PNPLA4: variants seen among roughly 807,000 people sequenced by gnomAD.
The protein encoded by PNPLA4 is patatin like domain 4, phospholipase and triacylglycerol lipase.
PNPLA4 carries 15 observed loss-of-function variants against 18.3 expected under a neutral mutation model. The ratio of observed to expected loss-of-function variants is 0.82; its 90% CI spans 0.55 to 1.26. The LOEUF (loss-of-function observed/expected upper bound fraction) is 1.26, where lower values mean the gene tolerates loss of function less well. Among genes scored for constraint, PNPLA4 ranks in the 50% most tolerant of loss-of-function variants. The pLI, the probability that PNPLA4 is intolerant of heterozygous loss-of-function variation, is 0.00. For synonymous variants in PNPLA4, 88 were observed against 85.6 expected (o/e 1.03, Z -0.16); for missense variants, 229 against 196.8 (o/e 1.16, Z -0.98).
chrX:7,924,100 T>C (rs1185815518), intron 2 of PNPLA4, among the ~76,000 whole-genome samples: 1 of 111,914 alleles, frequency 8.9e-6, no homozygotes, highest in Non-Finnish European at 1.9e-5. Flanking sequence ...AAGATGGACT[T>C]ATTCATCTTT....
At chrX:7,913,389 G>A (rs1923936584) in intron 4 of PNPLA4, among the ~76,000 whole-genome samples, 2 of 112,087 alleles carry the variant, frequency 1.8e-5, no homozygotes, top group Non-Finnish European at 3.8e-5. Context: ...CACTAAAGAA[G>A]GTTGCCCAGT....
chrX:7,926,865 G>A (rs983935859), intron 1 of PNPLA4, among the ~76,000 whole-genome samples: 1 of 112,469 alleles, frequency 8.9e-6, no homozygotes. Context: ...CCAAGTGAAT[G>A]AAATTGTGCC....
At chrX:7,904,269 C>T (rs1923638774) in intron 5 of PNPLA4, among the ~76,000 whole-genome samples, 2 of 112,521 alleles carry the variant, frequency 1.8e-5, no homozygotes, top group African/African-American at 6.4e-5. Flanking sequence ...GAAGGGCAAT[C>T]TGGCTCAGTA....
At chrX:7,901,875 C>T in intron 6 of PNPLA4, 114 bp downstream of exon 6, 1 of 722,003 alleles carries the variant, frequency 1.4e-6, no homozygotes, top group Non-Finnish European at 2.1e-6. Flanking sequence ...GGAGAAGATG[C>T]AACTCCTACC....
chrX:7,924,484 TGAA>T (rs1569108403), intron 2 of PNPLA4, among the ~76,000 whole-genome samples: 2 of 112,173 alleles, frequency 1.8e-5, no homozygotes, highest in Non-Finnish European at 3.8e-5. Context: ...AAAATTATTT[TGAA>T]GAAGAACAAA....
At chrX:7,919,521 TGACACAGAATCCAGAAAAGG>T (rs1924147740) in intron 4 of PNPLA4, among the ~76,000 whole-genome samples, 1 of 112,543 alleles carries the variant, frequency 8.9e-6, no homozygotes, top group Non-Finnish European at 1.9e-5. Flanking sequence ...AAACCAGCCA[TGACACAGAATCCAGAAAAGG>T]TGTCCACTTT....
At position 7,926,113 on chromosome X, in the gene PNPLA4, G is replaced by A; in HGVS notation, c.7C>T (p.His3Tyr). 1 of 1,205,800 alleles carries A rather than the reference G, an allele frequency of 8.3e-7. No homozygotes were observed. The highest frequency in any genetic ancestry group is 1.1e-6 in the Non-Finnish European group (1 of 891,562). Residue 3 changes from histidine (H) to tyrosine (Y), a missense_variant, in exon 2 of 7, where the codon CAC becomes TAC. By Grantham distance (83) the His-to-Tyr change is moderately conservative. Transcript: ENST00000381042. Reference sequence around the variant, plus strand: ...CACGCTGCAAATGATAGGTTGATGTGCTTCATTCTAGCTGTAGCACTGGCA... The same window carrying A: ...CACGCTGCAAATGATAGGTTGATGTACTTCATTCTAGCTGTAGCACTGGCA... MK[H>Y]INLSFAACGF...
At chrX:7,920,263 AG>A (rs1293314403) in intron 4 of PNPLA4, among the ~76,000 whole-genome samples, 6 of 111,377 alleles carry the variant, frequency 5.4e-5, no homozygotes, top group Non-Finnish European at 1.9e-5. Context: ...GTCTGTTCCT[AG>A]GTAAACAAGA....
At chrX:7,903,970 T>C (rs1457227334) in intron 5 of PNPLA4, among the ~76,000 whole-genome samples, 2 of 104,435 alleles carry the variant, frequency 1.9e-5, no homozygotes, top group African/African-American at 7.1e-5. Context: ...ATATAGCTGG[T>C]TATGTAACTG....
intron 4 of PNPLA4, among the ~76,000 whole-genome samples, chrX:7,921,311 C>T (rs956309115): frequency 9.0e-5 from 10 of 111,650 alleles, no homozygotes; most frequent in African/African-American, 3.3e-4. Context: ...ATAACACCTA[C>T]CCTACTTGAT....
intron 5 of PNPLA4, among the ~76,000 whole-genome samples, chrX:7,902,912 T>C (rs1191172481): frequency 6.3e-5 from 7 of 111,883 alleles, no homozygotes; most frequent in East Asian, 2.8e-4. Context: ...CCAAACAGTC[T>C]CAATGCAGCC....
rs779270116 is a variant in PNPLA4 at position 7,902,097 on chromosome X, G to A, written c.522C>T (p.Pro174=). 15 of 1,206,044 alleles carry A rather than the reference G, an allele frequency of 1.2e-5. No homozygotes were observed. Among genetic ancestry groups the A allele is most frequent in the South Asian group, 3.6e-5 (2 of 56,100 alleles). The change falls in exon 6 of 7, where the codon CCC becomes CCT. Residue 174 remains proline (P), a synonymous_variant. Coordinates refer to ENST00000381042, the MANE Select transcript of PNPLA4 (RefSeq NM_004650.3). ...GGGAGATGGTTACTGTCCGGCCGAC[G>A]GGCAGGATGGGAAGAGCGTTGGTGA... The part of the protein sequence containing the change: ...GGLTNALPIL[P]VGRTVTISPF...
intron 2 of PNPLA4, among the ~76,000 whole-genome samples, chrX:7,923,908 T>C (rs1924312865): frequency 9.0e-6 from 1 of 110,875 alleles, no homozygotes; most frequent in Non-Finnish European, 1.9e-5. Flanking sequence ...ATGAGGTAGG[T>C]GGATTGTAGG....
At chrX:7,925,708 A>G (rs1440076389) in intron 2 of PNPLA4, among the ~76,000 whole-genome samples, 2 of 112,332 alleles carry the variant, frequency 1.8e-5, no homozygotes, top group Non-Finnish European at 3.8e-5. Context: ...AAAACTCAAG[A>G]GTAATATAAG....
At position 7,900,776 on chromosome X, in the gene PNPLA4, A is replaced by C; in HGVS notation, c.672T>G (p.Phe224Leu). 2 of 1,199,459 alleles carry C rather than the reference A, an allele frequency of 1.7e-6. No homozygotes were observed. ...ATTCCATTTTCCTCTTGCTTGGGGGAAAAAGGGCTTGGTTGAGTCTCACCA... is the reference window on the plus strand; with the variant it reads ...ATTCCATTTTCCTCTTGCTTGGGGGCAAAAGGGCTTGGTTGAGTCTCACCA... ...ANLVRLNQAL[F>L]PPSKRKMESL... The change falls in exon 7 of 7, where the codon TTT (phenylalanine) becomes TTG (leucine). Residue 224 changes from phenylalanine to leucine, a missense_variant. By Grantham distance (22) the Phe-to-Leu change is conservative. Coordinates refer to ENST00000381042, the MANE Select transcript of PNPLA4 (RefSeq NM_004650.3).
In PNPLA4 at chrX:7,900,587, T is replaced by C; in HGVS notation, c.*99A>G. Reference sequence around the variant, plus strand: ...TAAACACAAATATTACAAGGAGTAATACAATTGAGTCATGATAGATTTTCT... The same window carrying C: ...TAAACACAAATATTACAAGGAGTAACACAATTGAGTCATGATAGATTTTCT... On this transcript the variant is annotated 3_prime_UTR_variant, in exon 7 of 7. Coordinates refer to ENST00000381042, the MANE Select transcript of PNPLA4 (RefSeq NM_004650.3). 1.8e-6 allele frequency: 1 copy of C among 551,548 alleles called. No homozygotes were observed. The highest frequency in any genetic ancestry group is 2.8e-6 in the Non-Finnish European group (1 of 353,956). The allele number at this position is 551,548 out of a possible 1,213,427, so 45.5% of individuals were successfully genotyped here. A position where few individuals can be genotyped will look rare whatever the true frequency, so the allele number is the denominator to read the frequency against.
At chrX:7,923,486 G>A (rs150184545) in intron 2 of PNPLA4, among the ~76,000 whole-genome samples, 2,542 of 111,674 alleles carry the variant, frequency 0.023, 35 homozygotes, top group Middle Eastern at 0.055. Flanking sequence ...ACTTAAGACC[G>A]CCAGAGCTGG....
intron 1 of PNPLA4, among the ~76,000 whole-genome samples, chrX:7,926,374 T>C (rs1173019167): frequency 8.9e-6 from 1 of 112,454 alleles, no homozygotes; most frequent in Non-Finnish European, 1.9e-5. Context: ...TCCACATTTA[T>C]TCGGTACATA....
intron 6 of PNPLA4, among the ~76,000 whole-genome samples, chrX:7,901,324 G>A (rs934221516): frequency 1.8e-5 from 2 of 112,108 alleles, no homozygotes; most frequent in Non-Finnish European, 3.8e-5. Context: ...GCTGAGGCCT[G>A]TAATCCCAGC....
Sources: allele counts gnomAD v4.1 joint callset (sites outside exome capture counted in the v4.1 genomes callset), GRCh38; gene constraint gnomAD v4.1.1; transcripts MANE v1.5; gene names NCBI Gene and HGNC (gene_info 2026-07-23, HGNC 2026-07-21).